The following SLC8A1 variants were observed in gnomAD, a reference collection of about 807,000 sequenced individuals.
SLC8A1 encodes the protein sodium/calcium exchanger 1.
Under a neutral mutation model 68.3 loss-of-function variants are expected in SLC8A1, and 18 were observed. The observed-to-expected ratio is 0.26, with a 90% CI of 0.18 to 0.39. SLC8A1 has a LOEUF of 0.39. SLC8A1 is among the 10% of genes least tolerant of loss of function. The pLI is 1.00. For synonymous variants in SLC8A1, 475 were observed against 415.5 expected (o/e 1.14, Z -1.74); for missense variants, 985 against 1,156.7 (o/e 0.85, Z 2.15).
At chr2:40,304,908 A>G (rs2072282336) in intron 2 of SLC8A1, among the ~76,000 whole-genome samples, 1 of 152,062 alleles carries the variant, frequency 6.6e-6, no homozygotes, top group African/African-American at 2.4e-5. Context: ...GCTTTTGAGA[A>G]TCTTCCACCT....
At chr2:40,430,288 C>G (rs1271171967) in exon 2 of SLC8A1, 30 of 1,597,894 alleles carry the variant, frequency 1.9e-5, no homozygotes, top group Non-Finnish European at 2.4e-5. Flanking sequence ...CATGACACTT[C>G]CAACTGTCAC....
At chr2:40,264,671 A>C (rs2065129431) in intron 2 of SLC8A1, among the ~76,000 whole-genome samples, 1 of 152,166 alleles carries the variant, frequency 6.6e-6, no homozygotes, top group South Asian at 2.1e-4. Flanking sequence ...GGACACAGGA[A>C]GGGGAACATC....
At chr2:40,448,761 T>G (rs542130960) in intron 1 of SLC8A1, among the ~76,000 whole-genome samples, 1 of 152,278 alleles carries the variant, frequency 6.6e-6, no homozygotes, top group Non-Finnish European at 1.5e-5. Flanking sequence ...GAGGTTATGA[T>G]GAAGGATTTA....
Position 40,369,677 on chromosome 2 carries a change from C to T in SLC8A1, c.1808+58796G>A, listed in dbSNP as rs535603282. On this transcript the variant is annotated intron_variant, in intron 2 of 7. Coordinates refer to ENST00000406785, the Ensembl canonical transcript of SLC8A1. ...TTGTTAGTACCAATACCATGGAGTACGCAGGGAGCAACATTCTGGCAAGTA... is the reference window on the plus strand; with the variant it reads ...TTGTTAGTACCAATACCATGGAGTATGCAGGGAGCAACATTCTGGCAAGTA... Among the ~76,000 whole-genome samples the T allele has an allele frequency of 7.2e-5, 11 of 152,132 alleles. No individual in the cohort carries two copies. The East Asian group carries it at 7.8e-4, about 11-fold the overall frequency.
intron 2 of SLC8A1, among the ~76,000 whole-genome samples, chr2:40,231,196 C>G (rs575655290): frequency 1.3e-5 from 2 of 152,204 alleles, no homozygotes; most frequent in South Asian, 4.2e-4. Flanking sequence ...CAGTTGCTTT[C>G]TGAGCTGAAA....
chr2:40,458,674 A>G (rs1431185460), intron 1 of SLC8A1, among the ~76,000 whole-genome samples: 1 of 152,140 alleles, frequency 6.6e-6, no homozygotes, highest in African/African-American at 2.4e-5. Context: ...GGAACCACAC[A>G]GAGACAGCAA....
intron 1 of SLC8A1, among the ~76,000 whole-genome samples, chr2:40,449,282 A>T (rs1702011800): frequency 1.3e-5 from 2 of 152,028 alleles, no homozygotes; most frequent in African/African-American, 4.8e-5. Flanking sequence ...TTAAAGGGGA[A>T]TTGCAACTTC....
intron 2 of SLC8A1, among the ~76,000 whole-genome samples, chr2:40,399,866 G>T (rs908300740): frequency 1.3e-5 from 2 of 152,066 alleles, no homozygotes; most frequent in African/African-American, 4.8e-5. Context: ...GAAAGAAAAA[G>T]TAAAAACTAA....
At chr2:40,344,036 A>G (rs189266567) in intron 2 of SLC8A1, among the ~76,000 whole-genome samples, 2 of 152,342 alleles carry the variant, frequency 1.3e-5, no homozygotes, top group African/African-American at 4.8e-5. Context: ...TACGATGGCA[A>G]TATAATGAAT....
At chr2:40,296,152 G>C (rs1039406224) in intron 2 of SLC8A1, among the ~76,000 whole-genome samples, 3 of 152,126 alleles carry the variant, frequency 2.0e-5, no homozygotes, top group Non-Finnish European at 4.4e-5. Context: ...AGTTGGATCT[G>C]ATTTGCAATG....
At chr2:40,366,896 C>G (rs1009919584) in intron 2 of SLC8A1, among the ~76,000 whole-genome samples, 1 of 151,946 alleles carries the variant, frequency 6.6e-6, no homozygotes, top group African/African-American at 2.4e-5. Context: ...CAGCAACTAA[C>G]AAGTTGAATC....
At chr2:40,462,287 G>A (rs992912234) in intron 1 of SLC8A1, among the ~76,000 whole-genome samples, 13 of 151,758 alleles carry the variant, frequency 8.6e-5, no homozygotes, top group East Asian at 1.9e-4. Context: ...TATTACAGGC[G>A]TGAGTCATTG....
intron 2 of SLC8A1, among the ~76,000 whole-genome samples, chr2:40,332,545 T>C (rs530763393): frequency 6.6e-6 from 1 of 152,196 alleles, no homozygotes; most frequent in Non-Finnish European, 1.5e-5. Context: ...TGTGCTCTAG[T>C]ACTAAGTAGT....
intron 2 of SLC8A1, among the ~76,000 whole-genome samples, chr2:40,269,467 G>A (rs538158530): frequency 5.3e-5 from 8 of 152,308 alleles, no homozygotes; most frequent in Middle Eastern, 3.4e-3. Context: ...GAAAGGTAGC[G>A]AAAAAGTTAG....
chr2:40,275,183 G>A (rs2066539345), intron 2 of SLC8A1, among the ~76,000 whole-genome samples: 1 of 152,134 alleles, frequency 6.6e-6, no homozygotes, highest in African/African-American at 2.4e-5. Flanking sequence ...TATGGAACAA[G>A]CAACAGAAGT....
chr2:40,134,459 G>C (rs927975023), intron 7 of SLC8A1, among the ~76,000 whole-genome samples: 2 of 152,070 alleles, frequency 1.3e-5, no homozygotes, highest in African/African-American at 4.8e-5. Flanking sequence ...GAAGAGAAAA[G>C]AATGAAGAAA....
At chr2:40,246,984 T>C (rs1042264285) in intron 2 of SLC8A1, among the ~76,000 whole-genome samples, 10 of 152,330 alleles carry the variant, frequency 6.6e-5, no homozygotes, top group African/African-American at 2.4e-4. Flanking sequence ...GATTCTTTCA[T>C]CTTTTCTTAC....
chr2:40,237,151 T>G (rs1240165350), intron 2 of SLC8A1, among the ~76,000 whole-genome samples: 2 of 152,158 alleles, frequency 1.3e-5, no homozygotes, highest in African/African-American at 4.8e-5. Flanking sequence ...AACGTTGGCC[T>G]GCCTTGCTAG....
chr2:40,142,161 C>A (rs749633314), intron 6 of SLC8A1, among the ~76,000 whole-genome samples: 1 of 152,066 alleles, frequency 6.6e-6, no homozygotes, highest in Non-Finnish European at 1.5e-5. Context: ...TTGTTTGTTT[C>A]CTTATACATT....
Sources: gnomAD v4.1 joint callset for allele counts (sites outside exome capture counted in the v4.1 genomes callset) on GRCh38, gnomAD v4.1.1 for gene constraint, MANE v1.5 for transcripts, NCBI Gene and HGNC (gene_info 2026-07-23, HGNC 2026-07-21) for gene names.